The following CPNE1 variants were observed in gnomAD, a reference collection of about 807,000 sequenced individuals.
CPNE1 encodes copine-1.
In CPNE1, 58 loss-of-function variants were observed where a neutral mutation model predicts 63.2. That is an observed-to-expected ratio of 0.92 (90% CI 0.74 to 1.14). The LOEUF is 1.14. Among genes scored for constraint, CPNE1 ranks in the 50% most tolerant of loss-of-function variants. The probability of loss-of-function intolerance (pLI) is 0.00; values close to 1 mark genes in which losing one functional copy is unlikely to be tolerated. For missense variants in CPNE1, 672 were observed against 661.7 expected (o/e 1.02, Z -0.17); for synonymous variants, 237 against 249.0 (o/e 0.95, Z 0.45).
chr20:35,658,694 A>T lies in CPNE1; in HGVS notation c.-1+6066T>A, dbSNP rs551613882. Among the ~76,000 whole-genome samples the T allele has an allele frequency of 5.3e-5, 8 of 152,112 alleles. No individual in the cohort carries two copies. In the East Asian group the frequency reaches 1.5e-3, roughly 29 times the overall value. On this transcript the variant is annotated intron_variant, in intron 1 of 15. Transcript: ENST00000397443. ...AGAAGTGCTTGAACCCGGGAGGCGG[A>T]GGTTGCAGTGAGCCGAGATGGCACC...
At chr20:35,648,576 T>C (rs1332256504) in intron 1 of CPNE1, among the ~76,000 whole-genome samples, 1 of 152,228 alleles carries the variant, frequency 6.6e-6, no homozygotes. Context: ...CCTGGAATTA[T>C]ATGTCTAGCC....
intron 1 of CPNE1, among the ~76,000 whole-genome samples, chr20:35,656,982 T>C (rs1402038070): frequency 6.6e-6 from 1 of 152,222 alleles, no homozygotes; most frequent in African/African-American, 2.4e-5. Flanking sequence ...ATATAAATAC[T>C]AATGCAACAA....
chr20:35,638,316 A>G (rs978303856), intron 1 of CPNE1, among the ~76,000 whole-genome samples: 4 of 152,196 alleles, frequency 2.6e-5, no homozygotes, highest in African/African-American at 9.7e-5. Context: ...CTACAACTCA[A>G]TATTAAATGA....
chr20:35,654,416 C>A, intron 1 of CPNE1: 1 of 1,614,184 alleles, frequency 6.2e-7, no homozygotes, highest in Non-Finnish European at 8.5e-7. Context: ...ACATACAGAT[C>A]ATCAGGGTTG....
intron 1 of CPNE1, among the ~76,000 whole-genome samples, chr20:35,658,126 CTGTT>C (rs2034012611): frequency 1.3e-5 from 2 of 152,116 alleles, no homozygotes; most frequent in African/African-American, 4.8e-5. Flanking sequence ...TACTAAGTAA[CTGTT>C]TGACAGCTAA....
chr20:35,651,394 C>G (rs2033505247), intron 1 of CPNE1: 1 of 152,180 alleles, frequency 6.6e-6, no homozygotes, highest in Admixed American at 6.5e-5. Context: ...TTTTAGTAAA[C>G]AGGCTCCTGA....
intron 1 of CPNE1, chr20:35,658,833 ACACACAATATAGTTG>A: frequency 1.5e-6 from 1 of 645,228 alleles, no homozygotes; most frequent in Non-Finnish European, 2.9e-6. Context: ...ACACACACAC[ACACACAATATAGTTG>A]CTACATATAT....
At position 35,626,700 on chromosome 20, in the gene CPNE1, A is replaced by G. The variant is rs373565990; in HGVS notation, c.1340T>C (p.Ile447Thr). 2 of 1,614,084 alleles carry G rather than the reference A, an allele frequency of 1.2e-6. No homozygotes were observed. Among genetic ancestry groups the G allele is most frequent in the Non-Finnish European group, 1.7e-6 (2 of 1,180,010 alleles). The change falls in exon 15 of 16, where the codon ATT (isoleucine) becomes ACT (threonine). Residue 447 changes from isoleucine (I) to threonine (T), a missense_variant. By Grantham distance (89) the Ile-to-Thr change is moderately conservative (BLOSUM62 -1). Transcript: ENST00000397443. Reference protein sequence around the residue: ...RASNLPMSVIIVGVGGADFEA... With the variant: ...RASNLPMSVITVGVGGADFEA... ...AAAGTCAGCACCACCCACACCCACAATGATCACTGACATGGGCAGGTTCGA... is the reference window on the plus strand; with the variant it reads ...AAAGTCAGCACCACCCACACCCACAGTGATCACTGACATGGGCAGGTTCGA...
chr20:35,661,656 A>T (rs1241800143), intron 1 of CPNE1, among the ~76,000 whole-genome samples: 1 of 152,218 alleles, frequency 6.6e-6, no homozygotes, highest in African/African-American at 2.4e-5. Flanking sequence ...CTGCTACAAA[A>T]ATTTAACATA....
intron 13 of CPNE1, among the ~76,000 whole-genome samples, chr20:35,629,618 CAG>C (rs1487657704): frequency 1.3e-5 from 2 of 151,814 alleles, no homozygotes; most frequent in Admixed American, 6.6e-5. Context: ...CCAAAGCACA[CAG>C]AGATTAAGCA....
intron 6 of CPNE1, 21 bp from the exon 7 acceptor site, chr20:35,631,798 C>T: frequency 1.2e-6 from 2 of 1,602,030 alleles, no homozygotes; most frequent in South Asian, 1.1e-5. Flanking sequence ...AGGCCAAGGC[C>T]TCCAGTGAGC....
At chr20:35,641,244 CA>C (rs1156862885) in intron 1 of CPNE1, among the ~76,000 whole-genome samples, 10 of 152,220 alleles carry the variant, frequency 6.6e-5, no homozygotes, top group Admixed American at 4.6e-4. Context: ...GCTAAGGCCA[CA>C]TATATGGTTA....
chr20:35,642,878 CAT>C (rs1222191102), intron 1 of CPNE1, among the ~76,000 whole-genome samples: 4 of 152,164 alleles, frequency 2.6e-5, no homozygotes, highest in Admixed American at 6.5e-5. Flanking sequence ...CAAAGCTTAA[CAT>C]GTGCACACAA....
intron 1 of CPNE1, chr20:35,655,335 C>G (rs2033831742): frequency 6.3e-7 from 1 of 1,598,142 alleles, no homozygotes; most frequent in African/African-American, 1.3e-5. Flanking sequence ...TGCGCTGAAA[C>G]CACACACACC....
chr20:35,660,376 G>A (rs2034166023), intron 1 of CPNE1, among the ~76,000 whole-genome samples: 1 of 151,850 alleles, frequency 6.6e-6, no homozygotes, highest in Non-Finnish European at 1.5e-5. Context: ...GCCACCACCC[G>A]CAGCTTATTT....
chr20:35,641,813 C>CT (rs1491374732), intron 1 of CPNE1, among the ~76,000 whole-genome samples: 1 of 152,332 alleles, frequency 6.6e-6, no homozygotes, highest in East Asian at 1.9e-4. Context: ...AGAATAAACA[C>CT]TGTTTCAGCA....
rs10542710 is a variant in CPNE1 at position 35,658,802 on chromosome 20, AACACACACACAC to A, written c.-1+5946_-1+5957del. 6.2e-3 allele frequency: 2,915 copies of A among 473,534 alleles called. 22 individuals carry two copies. The highest frequency in any genetic ancestry group is 0.033 in the Admixed American group (861 of 26,010). The allele number at this position is 473,534 out of a possible 1,614,324, so 29.3% of individuals were successfully genotyped here. On this transcript the variant is annotated intron_variant, in intron 1 of 15. Transcript: ENST00000397443. ...TCAAAACAAAAAACAAGCAAACAAA[AACACACACACAC>A]ACACACACACACACACACACACACA...
At chr20:35,626,850 C>G in intron 14 of CPNE1, 47 bp from the exon 15 acceptor site, 1 of 1,455,142 alleles carries the variant, frequency 6.9e-7, no homozygotes, top group African/African-American at 1.4e-5. Context: ...TCCTCCTAAA[C>G]CCCTGCAAAC....
intron 1 of CPNE1, among the ~76,000 whole-genome samples, chr20:35,645,514 C>A (rs62211673): frequency 6.6e-6 from 1 of 152,174 alleles, no homozygotes; most frequent in Non-Finnish European, 1.5e-5. Flanking sequence ...AGAACAGGAA[C>A]CTTATTTTGC....
Sources: allele counts gnomAD v4.1 joint callset (sites outside exome capture counted in the v4.1 genomes callset), GRCh38; gene constraint gnomAD v4.1.1; transcripts MANE v1.5; gene names NCBI Gene and HGNC (gene_info 2026-07-23, HGNC 2026-07-21).